Variants in LDB3 observed in about 807,000 individuals in gnomAD.
LDB3 encodes the protein LIM domain-binding protein 3.
Under a neutral mutation model 69.0 loss-of-function variants are expected in LDB3, and 49 were observed. The observed-to-expected ratio is 0.71, with a 90% CI of 0.56 to 0.90. The LOEUF (loss-of-function observed/expected upper bound fraction) is 0.90, where lower values mean the gene tolerates loss of function less well. Ranked by LOEUF, LDB3 falls within the 40% of genes least tolerant of loss-of-function variation. LDB3 has a pLI of 0.00. For missense variants in LDB3, 928 were observed against 974.1 expected (o/e 0.95, Z 0.63); for synonymous variants, 387 against 396.2 (o/e 0.98, Z 0.28).
intron 5 of LDB3, among the ~76,000 whole-genome samples, chr10:86,691,355 G>T (rs1397560568): frequency 6.6e-6 from 1 of 152,160 alleles, no homozygotes; most frequent in East Asian, 1.9e-4. Flanking sequence ...TTGCTGCCTT[G>T]TTTCTTACCA....
At chr10:86,722,559 CTT>C (rs1181539611) in intron 12 of LDB3, among the ~76,000 whole-genome samples, 130 of 55,246 alleles carry the variant, frequency 2.4e-3, no homozygotes, top group Middle Eastern at 0.016. Flanking sequence ...CGTGCCTGGC[CTT>C]TTTTTTTTTT....
intron 7 of LDB3, among the ~76,000 whole-genome samples, chr10:86,698,866 C>T (rs1255924825): frequency 6.6e-6 from 1 of 152,146 alleles, no homozygotes; most frequent in East Asian, 1.9e-4. Context: ...ATGCGAGGTG[C>T]ACCTGTCTGT....
chr10:86,682,685 A>G (rs115786143), intron 5 of LDB3, among the ~76,000 whole-genome samples: 2,677 of 152,236 alleles, frequency 0.018, 82 homozygotes, highest in African/African-American at 0.062. Flanking sequence ...CCTCCTCCGA[A>G]TCATGGAGGA....
intron 5 of LDB3, among the ~76,000 whole-genome samples, chr10:86,685,400 T>C (rs1845412380): frequency 2.0e-5 from 3 of 152,144 alleles, no homozygotes; most frequent in African/African-American, 7.2e-5. Context: ...CCCCTGAAGA[T>C]AGACAAGAAA....
intron 2 of LDB3, among the ~76,000 whole-genome samples, chr10:86,675,186 C>T (rs1243063467): frequency 1.1e-5 from 1 of 88,132 alleles, no homozygotes; most frequent in African/African-American, 2.9e-5. Flanking sequence ...GAGCAAGCAT[C>T]CCCCCGGCCC....
At chr10:86,721,150 C>T (rs918386803) in intron 12 of LDB3, among the ~76,000 whole-genome samples, 1 of 152,226 alleles carries the variant, frequency 6.6e-6, no homozygotes, top group Non-Finnish European at 1.5e-5. Flanking sequence ...GAACCTCATA[C>T]TGTTTTCCAT....
chr10:86,692,830 C>CA (rs1006359465), intron 7 of LDB3, among the ~76,000 whole-genome samples: 25 of 152,310 alleles, frequency 1.6e-4, no homozygotes, highest in African/African-American at 5.8e-4. Context: ...CATCCCTGGG[C>CA]AGGGGGCAGG....
chr10:86,686,754 T>G (rs1589633631), intron 5 of LDB3, among the ~76,000 whole-genome samples: 1 of 138,214 alleles, frequency 7.2e-6, no homozygotes. Context: ...CTGGAGTGAG[T>G]GGAGATCACA....
intron 9 of LDB3, among the ~76,000 whole-genome samples, chr10:86,710,483 G>A (rs1033795644): frequency 1.3e-5 from 2 of 152,330 alleles, no homozygotes; most frequent in Admixed American, 1.3e-4. Context: ...CCAGCTACTC[G>A]GGAGGCTGAG....
chr10:86,685,270 GC>G (rs1399206034), intron 5 of LDB3, among the ~76,000 whole-genome samples: 1 of 152,206 alleles, frequency 6.6e-6, no homozygotes, highest in Non-Finnish European at 1.5e-5. Flanking sequence ...AGGCAGGGAG[GC>G]CCCTGGGCCT....
rs930023225 is a variant in LDB3, at chr10:86,692,559, T to G, written c.884T>G (p.Leu295Arg). ...GTGCAAGACCCTGATGAAGAAGCTC[T>G]GCGAAGGTCAAGGTAAGTGCCTGGA... ...EFMQDPDEEA[L>R]RRSSTPIEHA... The change falls in exon 7 of 14, where the codon CTG becomes CGG. Residue 295 changes from leucine to arginine, a missense_variant. Leu to Arg is a moderately radical substitution (Grantham distance 102, BLOSUM62 -2). Transcript: ENST00000361373. 6.2e-7 allele frequency: 1 copy of G among 1,614,208 alleles called. No homozygotes were observed. The highest frequency in any genetic ancestry group is 1.7e-5 in the Admixed American group (1 of 60,036).
intron 5 of LDB3, among the ~76,000 whole-genome samples, chr10:86,686,428 T>A (rs1201247184): frequency 1.3e-5 from 2 of 152,082 alleles, no homozygotes; most frequent in Non-Finnish European, 2.9e-5. Context: ...TAGTGGGAGA[T>A]CTCTCTGTGC....
At chr10:86,704,555 A>T (rs1412379411) in intron 7 of LDB3, among the ~76,000 whole-genome samples, 1 of 149,628 alleles carries the variant, frequency 6.7e-6, no homozygotes, top group Non-Finnish European at 1.5e-5. Context: ...GATTACAGGC[A>T]TGCGCCACCA....
At chr10:86,682,676 C>T (rs556238865) in intron 5 of LDB3, among the ~76,000 whole-genome samples, 10 of 152,340 alleles carry the variant, frequency 6.6e-5, no homozygotes, top group Middle Eastern at 3.4e-3. Context: ...TTCAGGGTTC[C>T]TCCTCCGAAT....
Position 86,716,782 on chromosome 10 carries a change from G to T in LDB3, c.1676+11G>T. ...CAACAATGTCATCCGGTATGGTCCA[G>T]CTGTGCCCCTGCACTGGGGCACTGG... On this transcript the variant is annotated intron_variant, in intron 10 of 13. Coordinates refer to ENST00000361373, the MANE Select transcript of LDB3 (RefSeq NM_007078.3). The T allele has an allele frequency of 6.3e-7, 1 of 1,598,008 alleles. No individual in the cohort carries two copies. The highest frequency in any genetic ancestry group is 1.1e-5 in the South Asian group (1 of 89,278).
chr10:86,708,231 G>T (rs1290309379), intron 8 of LDB3, among the ~76,000 whole-genome samples: 2 of 152,236 alleles, frequency 1.3e-5, no homozygotes, highest in African/African-American at 2.4e-5. Context: ...AGCTTGGAGA[G>T]GGGCACAGAG....
chr10:86,710,720 C>T (rs558956177), intron 9 of LDB3, among the ~76,000 whole-genome samples: 1 of 152,320 alleles, frequency 6.6e-6, no homozygotes, highest in Admixed American at 6.5e-5. Flanking sequence ...CCGCTGGAGC[C>T]CAGGGAGATG....
rs1441034358 is a variant in LDB3 at position 86,668,522 on chromosome 10, C to T, written c.-72C>T. The T allele has an allele frequency of 2.6e-5, 18 of 696,966 alleles. No homozygotes were observed. Among genetic ancestry groups the T allele is most frequent in the Middle Eastern group, 2.3e-4 (1 of 4,258 alleles). 43.2% of individuals were successfully genotyped at this position (696,966 alleles called of 1,614,324 possible). A position where few individuals can be genotyped will look rare whatever the true frequency, so the allele number is the denominator to read the frequency against. ...ATTCGCTCCCAGCTATTCTTAGGAG[C>T]CTCTCAAGAGCTCCACGCAGCCCGG... On this transcript the variant is annotated 5_prime_UTR_variant, in exon 1 of 14. Transcript: ENST00000361373.
In LDB3 at chr10:86,734,653, A is replaced by G. The variant is rs1847568648; in HGVS notation, c.*1677A>G. 6.6e-6 allele frequency: 1 copy of G among 152,236 alleles called. No individual in the cohort carries two copies. The highest frequency in any genetic ancestry group is 6.5e-5 in the Admixed American group (1 of 15,284). 9.4% of individuals were successfully genotyped at this position (152,236 alleles called of 1,614,324 possible). ...CTCCATGAGGGAGAAGGAAGCAGCT[A>G]GCTATGTCCCTAGCTGCAGGAAGCC... On this transcript the variant is annotated 3_prime_UTR_variant, in exon 14 of 14. Transcript: ENST00000361373.
Sources: gnomAD v4.1 joint callset for allele counts (sites outside exome capture counted in the v4.1 genomes callset) on GRCh38, gnomAD v4.1.1 for gene constraint, MANE v1.5 for transcripts, NCBI Gene and HGNC (gene_info 2026-07-23, HGNC 2026-07-21) for gene names.